DCDC2: variants seen among roughly 807,000 people sequenced by gnomAD.
The protein encoded by DCDC2 is doublecortin domain-containing protein 2.
Under a neutral mutation model 50.2 loss-of-function variants are expected in DCDC2, and 40 were observed. That is an observed-to-expected ratio of 0.80 (90% CI 0.62 to 1.04). DCDC2 has a LOEUF of 1.04. Ranked by LOEUF, DCDC2 falls within the 50% of genes least tolerant of loss-of-function variation. DCDC2 has a pLI of 0.00. For synonymous variants in DCDC2, 234 were observed against 210.6 expected (o/e 1.11, Z -0.96); for missense variants, 570 against 581.9 (o/e 0.98, Z 0.21).
intron 7 of DCDC2, among the ~76,000 whole-genome samples, chr6:24,249,010 T>C (rs1429312078): frequency 2.6e-5 from 4 of 152,206 alleles, no homozygotes; most frequent in Non-Finnish European, 5.9e-5. Flanking sequence ...GGTATTTGTT[T>C]TCTAAATGAA....
chr6:24,319,911 A>G (rs992399391), intron 2 of DCDC2, among the ~76,000 whole-genome samples: 2 of 152,178 alleles, frequency 1.3e-5, no homozygotes, highest in African/African-American at 4.8e-5. Context: ...AAATAATTAA[A>G]ACCAACCAAA....
intron 4 of DCDC2, among the ~76,000 whole-genome samples, chr6:24,293,967 A>G (rs139343156): frequency 9.8e-5 from 15 of 152,342 alleles, no homozygotes; most frequent in African/African-American, 3.6e-4. Context: ...GAAATCAAGA[A>G]GTTCTTTGAA....
chr6:24,250,881 GTAA>G (rs1309790771), intron 7 of DCDC2, among the ~76,000 whole-genome samples: 2 of 152,136 alleles, frequency 1.3e-5, no homozygotes, highest in Non-Finnish European at 1.5e-5. Flanking sequence ...GATGAAAAAT[GTAA>G]TTTATTTCTA....
chr6:24,197,302 G>A (rs1457172932), intron 8 of DCDC2, among the ~76,000 whole-genome samples: 3 of 152,196 alleles, frequency 2.0e-5, no homozygotes, highest in Non-Finnish European at 4.4e-5. Context: ...GAATGTCAAA[G>A]TAAAGAAATA....
At chr6:24,194,495 T>G (rs995525206) in intron 8 of DCDC2, among the ~76,000 whole-genome samples, 1 of 152,176 alleles carries the variant, frequency 6.6e-6, no homozygotes, top group Non-Finnish European at 1.5e-5. Flanking sequence ...TTCCACTCGG[T>G]TCTGTCAAAT....
At chr6:24,184,692 G>C (rs1385746972) in intron 8 of DCDC2, among the ~76,000 whole-genome samples, 1 of 152,136 alleles carries the variant, frequency 6.6e-6, no homozygotes, top group Non-Finnish European at 1.5e-5. Context: ...GTCTAGCAGA[G>C]TACCTGAAGC....
At chr6:24,248,356 G>A (rs1762728859) in intron 7 of DCDC2, among the ~76,000 whole-genome samples, 1 of 152,142 alleles carries the variant, frequency 6.6e-6, no homozygotes, top group Non-Finnish European at 1.5e-5. Context: ...TACATGGTCT[G>A]AACCTCTTCA....
intron 7 of DCDC2, among the ~76,000 whole-genome samples, chr6:24,242,878 C>T (rs1204101773): frequency 6.6e-6 from 1 of 151,984 alleles, no homozygotes; most frequent in African/African-American, 2.4e-5. Context: ...AGGAGAATTG[C>T]TTGAAACCAA....
chr6:24,312,301 C>G (rs1395176867), intron 2 of DCDC2, among the ~76,000 whole-genome samples: 3 of 152,132 alleles, frequency 2.0e-5, no homozygotes, highest in East Asian at 1.9e-4. Context: ...GTTTGGTGGT[C>G]TCTTCACATG....
At chr6:24,354,522 A>C (rs1213659809) in intron 1 of DCDC2, among the ~76,000 whole-genome samples, 2 of 152,188 alleles carry the variant, frequency 1.3e-5, no homozygotes, top group African/African-American at 4.8e-5. Context: ...TACTTTAGTT[A>C]ATTCATATCT....
intron 6 of DCDC2, among the ~76,000 whole-genome samples, chr6:24,281,487 G>GAAAAAAA (rs59842458): frequency 1.1e-4 from 9 of 83,782 alleles, no homozygotes; most frequent in Admixed American, 3.2e-4. Context: ...ATGCTTTTAA[G>GAAAAAAA]AAAAAAAAAA....
chr6:24,309,555 A>G (rs1018757615), intron 2 of DCDC2, among the ~76,000 whole-genome samples: 4 of 152,202 alleles, frequency 2.6e-5, no homozygotes, highest in African/African-American at 9.6e-5. Flanking sequence ...ACTGAAAACA[A>G]AATCCCAAAG....
At chr6:24,187,979 G>A (rs1469493026) in intron 8 of DCDC2, among the ~76,000 whole-genome samples, 2 of 152,218 alleles carry the variant, frequency 1.3e-5, no homozygotes, top group Non-Finnish European at 2.9e-5. Flanking sequence ...AAAAGGATTT[G>A]AATTCTTTGA....
At chr6:24,224,432 C>A (rs1762184715) in intron 7 of DCDC2, among the ~76,000 whole-genome samples, 1 of 152,220 alleles carries the variant, frequency 6.6e-6, no homozygotes, top group Non-Finnish European at 1.5e-5. Flanking sequence ...GAGGACAGAG[C>A]TGTTAAACAC....
Position 24,195,445 on chromosome 6 carries a change from G to T in DCDC2, c.1023+9557C>A, listed in dbSNP as rs894460183. ...CACTCTTAAGTGTACAAATCAATGGGATTAAATCTTTCACAATGGGAAGTA... is the reference window on the plus strand; with the variant it reads ...CACTCTTAAGTGTACAAATCAATGGTATTAAATCTTTCACAATGGGAAGTA... On this transcript the variant is annotated intron_variant, in intron 8 of 9. Coordinates refer to ENST00000378454, the MANE Select transcript of DCDC2 (RefSeq NM_016356.5). Among the ~76,000 whole-genome samples, 3 of 152,088 alleles carry T rather than the reference G, an allele frequency of 2.0e-5. No individual in the cohort carries two copies. The South Asian group carries it at 6.2e-4, about 32-fold the overall frequency.
intron 2 of DCDC2, among the ~76,000 whole-genome samples, chr6:24,317,196 T>A (rs999177631): frequency 7.2e-5 from 11 of 152,096 alleles, no homozygotes; most frequent in Admixed American, 2.0e-4. Flanking sequence ...TTTCATTTTT[T>A]AAAAACTATA....
chr6:24,301,634 C>T, intron 4 of DCDC2, 81 bp downstream of exon 4: 2 of 1,542,386 alleles, frequency 1.3e-6, no homozygotes, highest in Non-Finnish European at 1.8e-6. Context: ...TTCAAATCCA[C>T]AGACCAGTGA....
chr6:24,282,313 G>A (rs902521911), intron 6 of DCDC2, among the ~76,000 whole-genome samples: 3 of 151,922 alleles, frequency 2.0e-5, no homozygotes, highest in African/African-American at 7.3e-5. Context: ...TGCTATCTTG[G>A]CTCACTGCAA....
At chr6:24,278,654 C>A (rs974305019) in intron 6 of DCDC2, among the ~76,000 whole-genome samples, 5 of 152,314 alleles carry the variant, frequency 3.3e-5, no homozygotes, top group African/African-American at 1.2e-4. Context: ...TGTAAATCCA[C>A]TGCCTTAACA....
Sources: gnomAD v4.1 joint callset for allele counts (sites outside exome capture counted in the v4.1 genomes callset) on GRCh38, gnomAD v4.1.1 for gene constraint, MANE v1.5 for transcripts, NCBI Gene and HGNC (gene_info 2026-07-23, HGNC 2026-07-21) for gene names.